Variants in OSBPL3 observed in about 807,000 individuals in gnomAD.
OSBPL3 encodes oxysterol-binding protein-related protein 3.
OSBPL3 carries 65 observed loss-of-function variants against 120.1 expected under a neutral mutation model. The ratio of observed to expected loss-of-function variants is 0.54; its 90% CI spans 0.44 to 0.67. OSBPL3 has a LOEUF of 0.67. OSBPL3 is among the 30% of genes least tolerant of loss of function. The probability of loss-of-function intolerance (pLI) is 0.00; values close to 1 mark genes in which losing one functional copy is unlikely to be tolerated. For synonymous variants in OSBPL3, 416 were observed against 402.6 expected, an observed-to-expected ratio of 1.03 and a Z score of -0.40; for missense variants, 1,004 against 1,082.1, an observed-to-expected ratio of 0.93 and a Z score of 1.01.
At chr7:24,970,973 C>G (rs35453809) in intron 1 of OSBPL3, among the ~76,000 whole-genome samples, 10,261 of 152,244 alleles carry the variant, frequency 0.067, 374 homozygotes, top group South Asian at 0.17. Context: ...TTTAGAAAAC[C>G]GGGGCAAAAT....
intron 10 of OSBPL3, among the ~76,000 whole-genome samples, chr7:24,857,638 G>A (rs6950461): frequency 0.18 from 26,956 of 152,150 alleles, 2,504 homozygotes; most frequent in African/African-American, 0.23. Context: ...TACTTAGCCA[G>A]TACAGAGGGA....
chr7:24,900,914 G>A lies in OSBPL3; in HGVS notation c.-149-8293C>T, dbSNP rs762063493. 2.0e-5 allele frequency among the ~76,000 whole-genome samples: 3 copies of A among 152,142 alleles called. No homozygotes were observed. Among genetic ancestry groups the A allele is most frequent in the Non-Finnish European group, 4.4e-5 (3 of 68,026 alleles). ...TGCACACCTGTAGTATCAGCTACTG[G>A]GGAGGCTGAAGTGGGAGGATGACTT... On this transcript the variant is annotated intron_variant, in intron 1 of 22. Coordinates refer to ENST00000313367, the MANE Select transcript of OSBPL3 (RefSeq NM_015550.4). This position sits in a 1 kb window ranked among gnomAD's most constrained non-coding sequence, Gnocchi z 4.5.
rs7800412 is a variant in OSBPL3, at chr7:24,913,126, G to A, written c.-149-20505C>T. Among the ~76,000 whole-genome samples the A allele has an allele frequency of 0.26, 39,894 of 152,146 alleles. 5,438 individuals carry two copies. Among genetic ancestry groups the A allele is most frequent in the South Asian group, 0.36 (1,760 of 4,824 alleles). Reference sequence around the variant, plus strand: ...CCTTCCTGCTGTCCCAGTTGCCAGTGAGTAGAGCAGAAACTATGTCTTTTC... The same window carrying A: ...CCTTCCTGCTGTCCCAGTTGCCAGTAAGTAGAGCAGAAACTATGTCTTTTC... On this transcript the variant is annotated intron_variant, in intron 1 of 22. Coordinates refer to ENST00000313367, the MANE Select transcript of OSBPL3 (RefSeq NM_015550.4). The surrounding 1 kb of genome is among the most constrained non-coding windows in gnomAD (Gnocchi z 5.3).
Position 24,936,236 on chromosome 7 carries a change from T to C in OSBPL3, c.-149-43615A>G, listed in dbSNP as rs1246732822. 1.3e-5 allele frequency among the ~76,000 whole-genome samples: 2 copies of C among 152,096 alleles called. No individual in the cohort carries two copies. The highest frequency in any genetic ancestry group is 4.8e-5 in the African/African-American group (2 of 41,404). On this transcript the variant is annotated intron_variant, in intron 1 of 22. Coordinates refer to ENST00000313367, the MANE Select transcript of OSBPL3 (RefSeq NM_015550.4). The surrounding 1 kb of genome is among the most constrained non-coding windows in gnomAD (Gnocchi z 4.2). ...AGCTGAGTGAGTAAGTAAGAACATA[T>C]GCGAATATTTCAAAGGAAGCTGAGA... is the stretch of plus-strand genomic sequence containing the variant.
intron 1 of OSBPL3, among the ~76,000 whole-genome samples, chr7:24,957,303 C>T (rs966763948): frequency 6.6e-6 from 1 of 151,862 alleles, no homozygotes; most frequent in Non-Finnish European, 1.5e-5. Context: ...AACAGGATTA[C>T]AGTTCCAAAT....
chr7:24,820,161 T>C lies in OSBPL3; in HGVS notation c.1948+14A>G, dbSNP rs1794944698. On this transcript the variant is annotated intron_variant, in intron 17 of 22. Transcript: ENST00000313367. The surrounding 1 kb of genome is among the most constrained non-coding windows in gnomAD (Gnocchi z 4.6). ...TACACAATATGATGGAAGTAAAATG[T>C]ATTAGCACATTACCTTGCCAGAAAA... 6.4e-7 allele frequency: 1 copy of C among 1,552,664 alleles called. No homozygotes were observed. The highest frequency in any genetic ancestry group is 8.9e-7 in the Non-Finnish European group (1 of 1,125,630).
Position 24,800,224 on chromosome 7 carries a change from C to G in OSBPL3, c.2623G>C (p.Asp875His). The change falls in exon 23 of 23, where the codon GAT (aspartate) becomes CAT (histidine). Residue 875 changes from aspartate (D) to histidine (H), a missense_variant. Asp to His is a moderately conservative substitution (Grantham distance 81). Around this residue, in one of 4 missense-constraint regions of OSBPL3, gnomAD observed 473 missense variants for 568.0 expected, o/e 0.83. Transcript: ENST00000313367. ...SNGTYLELRK[D>H]LGFSKLDHPV... ...TGGTCCAGTTTGGAAAAACCAAGAT[C>G]TTTTCTAAGTTCCAAATAGGTGCCG... The G allele has an allele frequency of 1.2e-6, 2 of 1,612,350 alleles. No homozygotes were observed. Among genetic ancestry groups the G allele is most frequent in the Non-Finnish European group, 1.7e-6 (2 of 1,178,500 alleles).
rs112775983 is a variant in OSBPL3, at chr7:24,842,339, G to C, written c.1341C>G (p.Ser447=). Residue 447 remains serine, a synonymous_variant, in exon 13 of 23, where the codon TCC becomes TCG. Transcript: ENST00000313367. The part of the protein sequence containing the change: ...SNESRLSITD[S]LSEFFDAQEV... ...CCTGAGCATCAAAAAACTCAGAAAG[G>C]GAGTCAGTGATGGAGAGTCTACTTT... 6.8e-4 allele frequency: 1,090 copies of C among 1,613,018 alleles called. 5 individuals carry two copies. The African/African-American group carries it at 0.013, about 19-fold the overall frequency.
intron 1 of OSBPL3, among the ~76,000 whole-genome samples, chr7:24,915,663 T>A (rs1809455848): frequency 6.6e-6 from 1 of 151,798 alleles, no homozygotes; most frequent in South Asian, 2.1e-4. Context: ...AGCCTCTGCC[T>A]CCTGGGTTCA....
intron 2 of OSBPL3, among the ~76,000 whole-genome samples, chr7:24,882,521 A>T (rs571585240): frequency 6.6e-6 from 1 of 152,332 alleles, no homozygotes; most frequent in East Asian, 1.9e-4. Flanking sequence ...GGTTAATTTT[A>T]TATCTCTGAT....
intron 1 of OSBPL3, among the ~76,000 whole-genome samples, chr7:24,958,697 CATT>C (rs1305023968): frequency 6.6e-6 from 1 of 152,172 alleles, no homozygotes; most frequent in Non-Finnish European, 1.5e-5. Flanking sequence ...TTCATCTTAG[CATT>C]CCCTGTGATA....
At chr7:24,858,283 TTTGGAA>T (rs1459324179) in intron 10 of OSBPL3, among the ~76,000 whole-genome samples, 8 of 152,224 alleles carry the variant, frequency 5.3e-5, no homozygotes, top group African/African-American at 1.9e-4. Context: ...GTTCAGCTGC[TTTGGAA>T]TTGTAGTCAA....
chr7:24,941,241 A>G (rs1813073493), intron 1 of OSBPL3, among the ~76,000 whole-genome samples: 1 of 152,202 alleles, frequency 6.6e-6, no homozygotes, highest in Non-Finnish European at 1.5e-5. Flanking sequence ...ATTCCAGTCT[A>G]CTATCAGATA....
At chr7:24,902,464 C>T (rs1246681480) in intron 1 of OSBPL3, among the ~76,000 whole-genome samples, 2 of 152,038 alleles carry the variant, frequency 1.3e-5, no homozygotes, top group Non-Finnish European at 2.9e-5. Flanking sequence ...CTTCCTCGTT[C>T]AGTTGTTTCT....
At chr7:24,976,392 C>A (rs1243917092) in intron 1 of OSBPL3, among the ~76,000 whole-genome samples, 1 of 152,108 alleles carries the variant, frequency 6.6e-6, no homozygotes, top group Non-Finnish European at 1.5e-5. Context: ...GGAAAACCCA[C>A]CTGTAGACAA....
At chr7:24,923,594 A>C (rs1810674901) in intron 1 of OSBPL3, among the ~76,000 whole-genome samples, 1 of 150,086 alleles carries the variant, frequency 6.7e-6, no homozygotes, top group South Asian at 2.1e-4. Context: ...CTAAAAGATA[A>C]GAGAGATTGA....
At chr7:24,878,894 G>A (rs1014335609) in intron 2 of OSBPL3, among the ~76,000 whole-genome samples, 1 of 152,208 alleles carries the variant, frequency 6.6e-6, no homozygotes, top group Non-Finnish European at 1.5e-5. Context: ...GGCTATCACT[G>A]CTGCTGGACC....
At chr7:24,909,139 T>C (rs1808397064) in intron 1 of OSBPL3, among the ~76,000 whole-genome samples, 6 of 152,230 alleles carry the variant, frequency 3.9e-5, no homozygotes, top group Admixed American at 1.3e-4. Context: ...AACGGGGTGA[T>C]AACTGATAGA....
chr7:24,892,610 A>C lies in OSBPL3; in HGVS notation c.-138T>G. The stretch of plus-strand genomic sequence containing the variant: ...AAAAACATTTTGGGTGGCCCAAAGG[A>C]AACCCTAAAACCTAAAAAAGAGAAA... On this transcript the variant is annotated 5_prime_UTR_variant, in exon 2 of 23. Transcript: ENST00000313367. 1.5e-6 allele frequency: 2 copies of C among 1,372,208 alleles called. No individual in the cohort carries two copies. Among genetic ancestry groups the C allele is most frequent in the South Asian group, 1.9e-5 (1 of 52,764 alleles). 85.0% of individuals were successfully genotyped at this position (1,372,208 alleles called of 1,614,324 possible).
Sources: allele counts gnomAD v4.1 joint callset (sites outside exome capture counted in the v4.1 genomes callset), GRCh38; gene constraint gnomAD v4.1.1; regional missense constraint gnomAD v4.1.1; non-coding constraint Gnocchi (gnomAD v3.1); transcripts MANE v1.5; gene names NCBI Gene and HGNC (gene_info 2026-07-23, HGNC 2026-07-21).